LRRC7: variants seen among roughly 807,000 people sequenced by gnomAD.
LRRC7 encodes the protein leucine rich repeat containing 7, also known as leucine-rich repeat-containing protein 7.
Under a neutral mutation model 175.7 loss-of-function variants are expected in LRRC7, and 23 were observed. That is an observed-to-expected ratio of 0.13 (90% CI 0.09 to 0.19). LRRC7 has a LOEUF of 0.19. LRRC7 is among the 10% of genes least tolerant of loss of function. The probability of loss-of-function intolerance (pLI) is 1.00; values close to 1 mark genes in which losing one functional copy is unlikely to be tolerated. For missense variants in LRRC7, 1,354 were observed against 1,904.7 expected (o/e 0.71, Z 5.38); for synonymous variants, 685 against 680.9 (o/e 1.01, Z -0.09).
intron 7 of LRRC7, among the ~76,000 whole-genome samples, chr1:69,894,240 A>G (rs1054456512): frequency 6.6e-6 from 1 of 152,144 alleles, no homozygotes; most frequent in African/African-American, 2.4e-5. Flanking sequence ...TATTTTCCCC[A>G]TTTTACAAAT....
chr1:69,648,332 A>C (rs1366164240), intron 1 of LRRC7, among the ~76,000 whole-genome samples: 1 of 152,094 alleles, frequency 6.6e-6, no homozygotes, highest in African/African-American at 2.4e-5. Context: ...GTGGGAGTCT[A>C]TAAGAGGAAC....
At chr1:69,799,235 G>A (rs909796573) in intron 4 of LRRC7, among the ~76,000 whole-genome samples, 51 of 151,826 alleles carry the variant, frequency 3.4e-4, no homozygotes, top group African/African-American at 1.2e-3. Flanking sequence ...TACCTTTAAG[G>A]GATACAACTG....
At position 70,121,954 on chromosome 1, in the gene LRRC7, GA is replaced by G; in HGVS notation, c.*70del. 1 of 1,217,528 alleles carries G rather than the reference GA, an allele frequency of 8.2e-7. No homozygotes were observed. The highest frequency in any genetic ancestry group is 2.4e-5 in the East Asian group (1 of 41,526). 75.4% of individuals were successfully genotyped at this position (1,217,528 alleles called of 1,614,324 possible). On this transcript the variant is annotated 3_prime_UTR_variant, in exon 27 of 27. Coordinates refer to ENST00000651989, the MANE Select transcript of LRRC7 (RefSeq NM_001370785.2). ...ATGTTCAAAAATAAATTTATACATA[GA>G]AACAAATTTTGCCAATTGCTGGACC...
At chr1:69,977,650 T>A (rs1392693795) in intron 8 of LRRC7, among the ~76,000 whole-genome samples, 2 of 152,148 alleles carry the variant, frequency 1.3e-5, no homozygotes, top group East Asian at 1.9e-4. Flanking sequence ...GTTCTAGACA[T>A]TGAGTTATAA....
intron 7 of LRRC7, among the ~76,000 whole-genome samples, chr1:69,869,246 A>G (rs935827054): frequency 5.3e-5 from 8 of 152,160 alleles, no homozygotes; most frequent in African/African-American, 1.7e-4. Context: ...AACTTTGTTA[A>G]CAGAGATGGA....
chr1:69,684,348 A>G lies in LRRC7; in HGVS notation c.100+5870A>G, dbSNP rs556937526. Among the ~76,000 whole-genome samples the G allele has an allele frequency of 9.3e-5, 14 of 150,280 alleles. 1 individual carries two copies. The South Asian group carries it at 1.1e-3, about 12-fold the overall frequency. On this transcript the variant is annotated intron_variant, in intron 2 of 26. Coordinates refer to ENST00000651989, the MANE Select transcript of LRRC7 (RefSeq NM_001370785.2). ...AAATGCATCACAAGAATCTGCTGGA[A>G]ATAAAAAGATGGGTAGGGGAGATGA...
intron 7 of LRRC7, among the ~76,000 whole-genome samples, chr1:69,885,459 G>A (rs1185738090): frequency 7.0e-6 from 1 of 142,786 alleles, no homozygotes; most frequent in Non-Finnish European, 1.5e-5. Context: ...GATCGGTGGT[G>A]ATATCCCCTT....
At chr1:70,029,083 G>A (rs1658431881) in intron 18 of LRRC7, among the ~76,000 whole-genome samples, 1 of 152,148 alleles carries the variant, frequency 6.6e-6, no homozygotes, top group Admixed American at 6.6e-5. Context: ...AAAATCTAGA[G>A]TGGCAAAACT....
intron 23 of LRRC7, among the ~76,000 whole-genome samples, chr1:70,064,721 T>A (rs1208552557): frequency 6.6e-6 from 1 of 151,800 alleles, no homozygotes; most frequent in African/African-American, 2.4e-5. Flanking sequence ...TTTTAAAGAA[T>A]TTTTTAGTCC....
chr1:70,013,535 G>A (rs1192296507), intron 13 of LRRC7, among the ~76,000 whole-genome samples: 1 of 151,922 alleles, frequency 6.6e-6, no homozygotes, highest in Non-Finnish European at 1.5e-5. Flanking sequence ...CCATCAAAGT[G>A]CTCATTAGAA....
Position 70,130,824 on chromosome 1 carries a change from C to A in LRRC7, c.*8937C>A, listed in dbSNP as rs1157056788. On this transcript the variant is annotated 3_prime_UTR_variant, in exon 27 of 27. Transcript: ENST00000651989. The stretch of plus-strand genomic sequence containing the variant: ...AGATGTCATGAGAGAGACGAGGCTA[C>A]GGAAGTGTAGTTGAGAGAAAGGGGT... 6.6e-6 allele frequency among the ~76,000 whole-genome samples: 1 copy of A among 152,090 alleles called. No individual in the cohort carries two copies. Among genetic ancestry groups the A allele is most frequent in the Non-Finnish European group, 1.5e-5 (1 of 68,028 alleles).
chr1:70,100,456 T>G (rs968576698), intron 25 of LRRC7, among the ~76,000 whole-genome samples: 1 of 152,120 alleles, frequency 6.6e-6, no homozygotes, highest in Non-Finnish European at 1.5e-5. Context: ...TTCATTATAT[T>G]GCCACTAAGA....
chr1:69,573,939 T>C (rs1645839385), intron 1 of LRRC7, among the ~76,000 whole-genome samples: 1 of 152,170 alleles, frequency 6.6e-6, no homozygotes, highest in South Asian at 2.1e-4. Flanking sequence ...AATTCATTTA[T>C]AGGCTTCTTA....
chr1:69,719,090 T>G (rs930693927), intron 2 of LRRC7, among the ~76,000 whole-genome samples: 3 of 151,828 alleles, frequency 2.0e-5, no homozygotes, highest in African/African-American at 7.2e-5. Flanking sequence ...TATAAACACT[T>G]TAAGTCTCCC....
At chr1:69,641,067 G>A (rs1475024470) in intron 1 of LRRC7, among the ~76,000 whole-genome samples, 1 of 151,620 alleles carries the variant, frequency 6.6e-6, no homozygotes, top group Non-Finnish European at 1.5e-5. Context: ...GACATTTTAT[G>A]ACAAGACATC....
chr1:69,993,539 A>G (rs1191928543), intron 10 of LRRC7, among the ~76,000 whole-genome samples: 1 of 152,226 alleles, frequency 6.6e-6, no homozygotes, highest in Non-Finnish European at 1.5e-5. Context: ...CCACACACAC[A>G]CACACAAAGA....
chr1:69,887,512 C>T (rs1417810090), intron 7 of LRRC7, among the ~76,000 whole-genome samples: 1 of 150,008 alleles, frequency 6.7e-6, no homozygotes, highest in Non-Finnish European at 1.5e-5. Context: ...TCTAGTTATA[C>T]ATTCGTCTAA....
chr1:69,977,820 G>A (rs542546462), intron 8 of LRRC7, among the ~76,000 whole-genome samples: 613 of 152,282 alleles, frequency 4.0e-3, no homozygotes, highest in Non-Finnish European at 7.2e-3. Flanking sequence ...AGTAGGAATA[G>A]TGGAAAGTAA....
intron 8 of LRRC7, among the ~76,000 whole-genome samples, chr1:69,954,790 A>G (rs1452896487): frequency 6.6e-6 from 1 of 152,100 alleles, no homozygotes; most frequent in African/African-American, 2.4e-5. Context: ...GTTAAAATAT[A>G]TTCCTTCTGT....
Sources: allele counts gnomAD v4.1 joint callset (sites outside exome capture counted in the v4.1 genomes callset), GRCh38; gene constraint gnomAD v4.1.1; transcripts MANE v1.5; gene names NCBI Gene and HGNC (gene_info 2026-07-23, HGNC 2026-07-21).